RANBP9: variants seen among roughly 807,000 people sequenced by gnomAD.
The protein encoded by RANBP9 is ran-binding protein 9.
In RANBP9, 15 loss-of-function variants were observed where a neutral mutation model predicts 84.3. That is an observed-to-expected ratio of 0.18 (90% CI 0.12 to 0.27). The LOEUF (loss-of-function observed/expected upper bound fraction) is 0.27. Among genes scored for constraint, RANBP9 ranks in the 10% least tolerant of loss-of-function variants. The pLI, the probability that RANBP9 is intolerant of heterozygous loss-of-function variation, is 1.00. For synonymous variants in RANBP9, 392 were observed against 349.6 expected, an observed-to-expected ratio of 1.12 and a Z score of -1.35; for missense variants, 809 against 912.8, an observed-to-expected ratio of 0.89 and a Z score of 1.46.
chr6:13,689,004 A>AAAAAAAAAAAAAAAAAAAAAAAAAG (rs374538732), intron 2 of RANBP9, among the ~76,000 whole-genome samples: 1 of 108,996 alleles, frequency 9.2e-6, no homozygotes. Context: ...AAAAAAAAAA[A>AAAAAAAAAAAAAAAAAAAAAAAAAG]TGCTGGGCAT....
chr6:13,644,493 C>T, intron 6 of RANBP9, 52 bp downstream of exon 6: 1 of 1,541,592 alleles, frequency 6.5e-7, no homozygotes, highest in South Asian at 1.2e-5. Context: ...GAATAAATGT[C>T]TTATAAAAAA....
intron 1 of RANBP9, among the ~76,000 whole-genome samples, chr6:13,699,509 G>T (rs967592771): frequency 1.3e-5 from 2 of 152,142 alleles, no homozygotes; most frequent in Non-Finnish European, 2.9e-5. Context: ...CAATATTTGT[G>T]CATACTTACC....
intron 2 of RANBP9, among the ~76,000 whole-genome samples, chr6:13,688,982 CAAAAAA>C (rs1164073062): frequency 6.7e-5 from 2 of 29,958 alleles, no homozygotes; most frequent in African/African-American, 1.0e-4. Flanking sequence ...CCCATCTCCA[CAAAAAA>C]AAAAAAAAAA....
At chr6:13,648,600 T>C (rs1648632901) in intron 5 of RANBP9, among the ~76,000 whole-genome samples, 1 of 152,164 alleles carries the variant, frequency 6.6e-6, no homozygotes, top group South Asian at 2.1e-4. Flanking sequence ...AGGAAAACAT[T>C]TCTATTAACT....
chr6:13,710,804 A>C (rs746486319), intron 1 of RANBP9, 131 bp downstream of exon 1: 59 of 982,694 alleles, frequency 6.0e-5, no homozygotes, highest in Non-Finnish European at 7.4e-5. Context: ...GAGCAGCACA[A>C]CAGGCGGCGA....
chr6:13,630,700 A>T (rs1188292521), intron 12 of RANBP9, among the ~76,000 whole-genome samples: 3 of 152,128 alleles, frequency 2.0e-5, no homozygotes, highest in Non-Finnish European at 4.4e-5. Context: ...TATATAGTGG[A>T]ATTTTCCAGA....
intron 1 of RANBP9, among the ~76,000 whole-genome samples, chr6:13,700,661 C>T (rs1022453445): frequency 2.0e-5 from 3 of 152,162 alleles, no homozygotes; most frequent in Non-Finnish European, 4.4e-5. Context: ...TTTTTCCCTG[C>T]GTTTTAATTC....
chr6:13,700,015 C>A (rs545471292), intron 1 of RANBP9, among the ~76,000 whole-genome samples: 1 of 152,180 alleles, frequency 6.6e-6, no homozygotes, highest in Non-Finnish European at 1.5e-5. Flanking sequence ...CTGTGGTAAC[C>A]AAAAAACAAC....
At chr6:13,650,348 G>T (rs1318448837) in intron 5 of RANBP9, among the ~76,000 whole-genome samples, 1 of 151,916 alleles carries the variant, frequency 6.6e-6, no homozygotes, top group Non-Finnish European at 1.5e-5. Context: ...TTATAATTTT[G>T]ATTTCTGTTT....
In RANBP9 at chr6:13,639,142, C is replaced by CT. The variant is rs1765006252; in HGVS notation, c.1525+420dup. Among the ~76,000 whole-genome samples the CT allele has an allele frequency of 3.3e-5, 5 of 152,110 alleles. No homozygotes were observed. In the South Asian group the frequency reaches 6.2e-4, roughly 19 times the overall value. ...CCTACAATTTTTCACCCAGAAAAAT[C>CT]TTAAGTATACACATTTGAAAACAGC... On this transcript the variant is annotated intron_variant, in intron 9 of 13. Transcript: ENST00000011619.
At chr6:13,683,786 A>C (rs1766101877) in intron 2 of RANBP9, among the ~76,000 whole-genome samples, 2 of 152,118 alleles carry the variant, frequency 1.3e-5, no homozygotes, top group Admixed American at 6.5e-5. Flanking sequence ...GGGAAAAAAA[A>C]AACACCTATA....
At chr6:13,704,649 A>T (rs1758055407) in intron 1 of RANBP9, among the ~76,000 whole-genome samples, 1 of 151,894 alleles carries the variant, frequency 6.6e-6, no homozygotes, top group African/African-American at 2.4e-5. Context: ...AAAAAAAAAA[A>T]GCCTCCTAAT....
In RANBP9 at chr6:13,639,549, A is replaced by T; in HGVS notation, c.1525+14T>A. On this transcript the variant is annotated intron_variant, in intron 9 of 13. Transcript: ENST00000011619. ...AGGAAAAATCTAAAAATAATGTCAT[A>T]AGTTAAATCTCACCTGAAAAATGTG... The T allele has an allele frequency of 6.3e-7, 1 of 1,575,258 alleles. No homozygotes were observed. Among genetic ancestry groups the T allele is most frequent in the African/African-American group, 1.4e-5 (1 of 73,938 alleles).
chr6:13,699,558 T>G (rs2113361852), intron 1 of RANBP9, among the ~76,000 whole-genome samples: 1 of 152,252 alleles, frequency 6.6e-6, no homozygotes, highest in South Asian at 2.1e-4. Context: ...AAATCTAAAA[T>G]GTTTCATTGG....
intron 5 of RANBP9, among the ~76,000 whole-genome samples, chr6:13,648,144 T>G (rs1765215356): frequency 8.5e-6 from 1 of 118,224 alleles, no homozygotes; most frequent in Non-Finnish European, 1.8e-5. Context: ...ATGACTGGTT[T>G]TTTTTTTTTT....
At chr6:13,700,844 T>G (rs996429414) in intron 1 of RANBP9, among the ~76,000 whole-genome samples, 22 of 152,216 alleles carry the variant, frequency 1.4e-4, no homozygotes, top group African/African-American at 5.3e-4. Context: ...ATTTTTGTAG[T>G]GTTCTGATTA....
intron 10 of RANBP9, among the ~76,000 whole-genome samples, chr6:13,637,148 A>T (rs1333745484): frequency 1.3e-5 from 2 of 152,178 alleles, no homozygotes; most frequent in South Asian, 2.1e-4. Flanking sequence ...AAACCTGAGT[A>T]TATCAAGGGT....
chr6:13,633,819 A>T (rs939750912), intron 11 of RANBP9, among the ~76,000 whole-genome samples: 2 of 152,126 alleles, frequency 1.3e-5, no homozygotes, highest in African/African-American at 4.8e-5. Flanking sequence ...CAACAAATAA[A>T]TTTTCACTCT....
chr6:13,708,819 T>TCA (rs70989879), intron 1 of RANBP9, among the ~76,000 whole-genome samples: 21,347 of 140,786 alleles, frequency 0.15, 1,535 homozygotes, highest in Middle Eastern at 0.18. Context: ...AACGGAAAAC[T>TCA]CACACACACA....
Sources: gnomAD v4.1 joint callset for allele counts (sites outside exome capture counted in the v4.1 genomes callset) on GRCh38, gnomAD v4.1.1 for gene constraint, MANE v1.5 for transcripts, NCBI Gene and HGNC (gene_info 2026-07-23, HGNC 2026-07-21) for gene names.